Variants in RMDN3 observed in about 807,000 individuals in gnomAD.
RMDN3 encodes regulator of microtubule dynamics 3, also known as regulator of microtubule dynamics protein 3.
Under a neutral mutation model 61.8 loss-of-function variants are expected in RMDN3, and 41 were observed. The observed-to-expected ratio is 0.66, with a 90% CI of 0.52 to 0.86. The LOEUF (loss-of-function observed/expected upper bound fraction) is 0.86, where lower values mean the gene tolerates loss of function less well. Ranked by LOEUF, RMDN3 falls within the 40% of genes least tolerant of loss-of-function variation. The probability of loss-of-function intolerance (pLI) is 0.00; values close to 1 mark genes in which losing one functional copy is unlikely to be tolerated. For missense variants in RMDN3, 557 were observed against 585.3 expected (o/e 0.95, Z 0.50); for synonymous variants, 247 against 232.0 (o/e 1.06, Z -0.59).
At chr15:40,737,495 T>G (rs1172929178) in intron 10 of RMDN3, 133 bp downstream of exon 10, 17 of 1,127,304 alleles carry the variant, frequency 1.5e-5, no homozygotes, top group Non-Finnish European at 1.8e-5. Flanking sequence ...GTGATTCTGG[T>G]TTTCCCATAG....
chr15:40,736,631 T>G (rs1897059948), intron 12 of RMDN3, 37 bp from the exon 13 acceptor site: 2 of 1,594,618 alleles, frequency 1.3e-6, no homozygotes, highest in Non-Finnish European at 1.7e-6. Flanking sequence ...GCTCAAAATT[T>G]AAACCAGCAT....
intron 3 of RMDN3, 181 bp from the exon 4 acceptor site, chr15:40,751,750 A>C (rs757847207): frequency 2.2e-6 from 2 of 929,178 alleles, no homozygotes; most frequent in Non-Finnish European, 3.3e-6. Context: ...CCGCACAGAC[A>C]GACTAGGTTA....
intron 4 of RMDN3, among the ~76,000 whole-genome samples, chr15:40,746,331 C>A (rs563054056): frequency 6.6e-6 from 1 of 151,888 alleles, no homozygotes; most frequent in African/African-American, 2.4e-5. Flanking sequence ...CTGGCTAACA[C>A]GGTGAAACCC....
intron 4 of RMDN3, among the ~76,000 whole-genome samples, chr15:40,746,450 G>C (rs192678381): frequency 6.6e-6 from 1 of 150,662 alleles, no homozygotes; most frequent in Non-Finnish European, 1.5e-5. Flanking sequence ...CCGGGAGGCA[G>C]AGCTTGCAGT....
At chr15:40,742,173 T>TTTGTTTTTTTTTG (rs929699481) in intron 6 of RMDN3, among the ~76,000 whole-genome samples, 4 of 145,484 alleles carry the variant, frequency 2.7e-5, no homozygotes, top group African/African-American at 1.0e-4. Flanking sequence ...TTTTTTAAGT[T>TTTGTTTTTTTTTG]TTTTTTTTTT....
chr15:40,736,796 T>C (rs1050689001), intron 12 of RMDN3, among the ~76,000 whole-genome samples: 2 of 152,168 alleles, frequency 1.3e-5, no homozygotes, highest in African/African-American at 4.8e-5. Flanking sequence ...AAATAAGACC[T>C]CTAGGAAAGA....
chr15:40,754,845 A>G, intron 1 of RMDN3, 55 bp from the exon 2 acceptor site: 1 of 1,357,714 alleles, frequency 7.4e-7, no homozygotes. Context: ...GGCGGGGGTA[A>G]GGAGAGAGAG....
chr15:40,754,539 C>T, intron 2 of RMDN3, 58 bp downstream of exon 2: 1 of 1,510,976 alleles, frequency 6.6e-7, no homozygotes. Context: ...CCGAAAGCAG[C>T]CCAGACCTCA....
In RMDN3 at chr15:40,755,198, C is replaced by G. The variant is rs570737533; in HGVS notation, c.-123G>C. ...GGCAGGAGATCCACTCAGACCCTTA[C>G]CCGGCCGCCAGCCACCATGGCAGCA... On this transcript the variant is annotated 5_prime_UTR_variant, in exon 1 of 13. Coordinates refer to ENST00000338376, the MANE Select transcript of RMDN3 (RefSeq NM_018145.3). 1.0e-3 allele frequency: 164 copies of G among 156,862 alleles called. No homozygotes were observed. Among genetic ancestry groups the G allele is most frequent in the African/African-American group, 3.8e-3 (160 of 41,756 alleles). 9.7% of individuals were successfully genotyped at this position (156,862 alleles called of 1,614,324 possible).
At chr15:40,744,913 G>A in intron 5 of RMDN3, 64 bp downstream of exon 5, 2 of 1,488,052 alleles carry the variant, frequency 1.3e-6, no homozygotes, top group Non-Finnish European at 1.8e-6. Flanking sequence ...ATTCCCCAGG[G>A]GTCAGGAACA....
chr15:40,747,345 C>T (rs576808088), intron 4 of RMDN3, among the ~76,000 whole-genome samples: 1 of 152,328 alleles, frequency 6.6e-6, no homozygotes, highest in African/African-American at 2.4e-5. Flanking sequence ...GTCAGGGAGC[C>T]TTGCTGCCAC....
intron 12 of RMDN3, among the ~76,000 whole-genome samples, chr15:40,736,916 C>T (rs773937381): frequency 2.0e-5 from 3 of 152,082 alleles, no homozygotes; most frequent in South Asian, 2.1e-4. Context: ...TGCAATGGCA[C>T]GATCTGAGCT....
chr15:40,736,685 C>T, intron 12 of RMDN3, 91 bp from the exon 13 acceptor site: 1 of 1,094,740 alleles, frequency 9.1e-7, no homozygotes, highest in Non-Finnish European at 1.4e-6. Context: ...CCTTTGCTTC[C>T]TTCCTGAGCT....
chr15:40,740,213 C>A lies in RMDN3; in HGVS notation c.911-20G>T. 1 of 1,573,734 alleles carries A rather than the reference C, an allele frequency of 6.4e-7. No homozygotes were observed. The highest frequency in any genetic ancestry group is 8.7e-7 in the Non-Finnish European group (1 of 1,145,332). Reference sequence around the variant, plus strand: ...CTTTTCCTGTAGGACGAAGGTAGATCCAGAGTTGACATAGCTCTTATGCAC... The same window carrying A: ...CTTTTCCTGTAGGACGAAGGTAGATACAGAGTTGACATAGCTCTTATGCAC... On this transcript the variant is annotated intron_variant, in intron 6 of 12. Coordinates refer to ENST00000338376, the MANE Select transcript of RMDN3 (RefSeq NM_018145.3).
At position 40,751,325 on chromosome 15, in the gene RMDN3, A is replaced by G. The variant is rs187780972; in HGVS notation, c.524+101T>C. 2.6e-3 allele frequency: 3,815 copies of G among 1,462,938 alleles called. 7 individuals are homozygous for G. Among genetic ancestry groups the G allele is most frequent in the Non-Finnish European group, 3.4e-3 (3,610 of 1,072,202 alleles). The allele number at this position is 1,462,938 out of a possible 1,614,324, so 90.6% of individuals were successfully genotyped here. A position where few individuals can be genotyped will look rare whatever the true frequency, so the allele number is the denominator to read the frequency against. ...ATTTATTATACTCTTACCTGTTCCA[A>G]AAATCATTTGCAGCAGCTTGGTTTG... is the stretch of plus-strand genomic sequence containing the variant. On this transcript the variant is annotated intron_variant, in intron 4 of 12. Coordinates refer to ENST00000338376, the MANE Select transcript of RMDN3 (RefSeq NM_018145.3).
Position 40,737,111 on chromosome 15 carries a change from T to C in RMDN3, c.1359+13A>G, listed in dbSNP as rs749954406. 1.9e-6 allele frequency: 3 copies of C among 1,610,788 alleles called. No individual in the cohort carries two copies. The South Asian group carries it at 3.3e-5, about 18-fold the overall frequency. On this transcript the variant is annotated intron_variant, in intron 12 of 12. Transcript: ENST00000338376. The stretch of plus-strand genomic sequence containing the variant: ...AGGTGATCTGCCCAACAGGCAGTAT[T>C]AAAAAGCCTTACCTCCTTCGTGACA...
chr15:40,736,290 G>C lies in RMDN3; in HGVS notation c.*251C>G, dbSNP rs1392622179. ...CCATGTGTAATCCTGGGGCAGGTGT[G>C]AATCTTGATTTTTTTAAGAGATTAC... On this transcript the variant is annotated 3_prime_UTR_variant, in exon 13 of 13. Coordinates refer to ENST00000338376, the MANE Select transcript of RMDN3 (RefSeq NM_018145.3). 2.1e-6 allele frequency: 1 copy of C among 467,200 alleles called. No homozygotes were observed. The highest frequency in any genetic ancestry group is 3.8e-6 in the Non-Finnish European group (1 of 266,072). 28.9% of individuals were successfully genotyped at this position (467,200 alleles called of 1,614,324 possible).
intron 4 of RMDN3, among the ~76,000 whole-genome samples, chr15:40,747,945 T>C (rs915920365): frequency 4.0e-5 from 6 of 151,172 alleles, no homozygotes; most frequent in African/African-American, 1.2e-4. Flanking sequence ...CAAGAAGGAG[T>C]CTTCACGATG....
rs201491111 is a variant in RMDN3 at position 40,751,977 on chromosome 15, A to T, written c.380+9T>A. On this transcript the variant is annotated intron_variant, in intron 3 of 12. Transcript: ENST00000338376. The stretch of plus-strand genomic sequence containing the variant: ...GGGATAAAGCAGGAGAAGAAGCCGC[A>T]TTACTCACCGGACCTCCCCAACAAT... The T allele has an allele frequency of 1.1e-4, 181 of 1,612,098 alleles. No individual in the cohort carries two copies. The highest frequency in any genetic ancestry group is 8.3e-5 in the Admixed American group (5 of 59,908).
Sources: allele counts gnomAD v4.1 joint callset (sites outside exome capture counted in the v4.1 genomes callset), GRCh38; gene constraint gnomAD v4.1.1; transcripts MANE v1.5; gene names NCBI Gene and HGNC (gene_info 2026-07-23, HGNC 2026-07-21).